Variants in SEMA5B observed in about 807,000 individuals in gnomAD.
The protein encoded by SEMA5B is semaphorin 5B, also known as semaphorin-5B.
SEMA5B carries 66 observed loss-of-function variants against 135.0 expected under a neutral mutation model. The ratio of observed to expected loss-of-function variants is 0.49; its 90% CI spans 0.40 to 0.60. The LOEUF is 0.60. SEMA5B is among the 20% of genes least tolerant of loss of function. The probability of loss-of-function intolerance (pLI) is 0.00; values close to 1 mark genes in which losing one functional copy is unlikely to be tolerated. For synonymous variants in SEMA5B, 690 were observed against 639.5 expected (o/e 1.08, Z -1.19); for missense variants, 1,501 against 1,566.3 (o/e 0.96, Z 0.70).
rs574227596 is a variant in SEMA5B, at chr3:122,986,230, A to G, written c.-38-24929T>C. ...TACTTATTAAAAAGTGTCAGAAGAA[A>G]GTGGATGCGAGACTTCTGAAAGGAC... On this transcript the variant is annotated intron_variant, in intron 1 of 22. Coordinates refer to ENST00000357599, the MANE Select transcript of SEMA5B (RefSeq NM_001031702.4). Among the ~76,000 whole-genome samples, 3 of 152,342 alleles carry G rather than the reference A, an allele frequency of 2.0e-5. No homozygotes were observed. In the South Asian group the frequency reaches 6.2e-4, roughly 32 times the overall value.
chr3:122,913,731 GAC>G (rs1937908674), intron 15 of SEMA5B, 50 bp from the exon 16 acceptor site: 1 of 1,600,852 alleles, frequency 6.2e-7, no homozygotes, highest in Middle Eastern at 1.7e-4. Context: ...CCCCTTCCCT[GAC>G]GAGAGGTCCC....
intron 1 of SEMA5B, among the ~76,000 whole-genome samples, chr3:122,988,001 G>A (rs1941753848): frequency 6.6e-6 from 1 of 152,038 alleles, no homozygotes; most frequent in Non-Finnish European, 1.5e-5. Flanking sequence ...GTTGGAAGGG[G>A]GGCCTCAGAG....
At chr3:122,987,413 AT>A (rs1238943802) in intron 1 of SEMA5B, among the ~76,000 whole-genome samples, 2 of 152,202 alleles carry the variant, frequency 1.3e-5, no homozygotes, top group Non-Finnish European at 2.9e-5. Context: ...TTATCCTGCT[AT>A]CAGCACCCCA....
At chr3:122,935,692 T>C (rs867239324) in intron 5 of SEMA5B, among the ~76,000 whole-genome samples, 1,530 of 32,212 alleles carry the variant, frequency 0.047, 5 homozygotes, top group Non-Finnish European at 0.092. Context: ...CTTTCTTTTT[T>C]TTTTTTTTTT....
Position 122,922,266 on chromosome 3 carries a change from A to G in SEMA5B, c.1454T>C (p.Leu485Pro). The G allele has an allele frequency of 5.0e-6, 8 of 1,613,990 alleles. No homozygotes were observed. Among genetic ancestry groups the G allele is most frequent in the Non-Finnish European group, 6.8e-6 (8 of 1,179,908 alleles). The change falls in exon 11 of 23, where the codon CTC becomes CCC. Residue 485 changes from leucine (L) to proline (P), a missense_variant. Transcript: ENST00000357599. ...VVDLVQAKDTLYHVLYIGTES... is the reference protein window; with the variant it reads ...VVDLVQAKDTPYHVLYIGTES... Reference sequence around the variant, plus strand: ...GGTGCCAATGTAGAGTACATGGTAGAGCGTGTCTTTAGCCTGCACCAGGTC... The same window carrying G: ...GGTGCCAATGTAGAGTACATGGTAGGGCGTGTCTTTAGCCTGCACCAGGTC...
Position 122,915,480 on chromosome 3 carries a change from C to A in SEMA5B, c.1948G>T (p.Asp650Tyr). The A allele has an allele frequency of 2.5e-6, 4 of 1,613,522 alleles. No homozygotes were observed. The highest frequency in any genetic ancestry group is 3.4e-6 in the Non-Finnish European group (4 of 1,179,754). The change falls in exon 14 of 23, where the codon GAC (aspartate) becomes TAC (tyrosine). Residue 650 changes from aspartate (D) to tyrosine (Y), a missense_variant. Coordinates refer to ENST00000357599, the MANE Select transcript of SEMA5B (RefSeq NM_001031702.4). ...ATGTGGATGGCTGGCCCCAGGCAGT[C>A]AAGGCCCCCACAGCGGGGTCGAGGG... ...DSPRPRCGGL[D>Y]CLGPAIHIAN...
At position 122,912,980 on chromosome 3, in the gene SEMA5B, G is replaced by T; in HGVS notation, c.2588C>A (p.Ser863Ter). The T allele has an allele frequency of 6.2e-7, 1 of 1,610,670 alleles. No homozygotes were observed. The highest frequency in any genetic ancestry group is 8.5e-7 in the Non-Finnish European group (1 of 1,178,686). ...CAGCTCGCAGTCCCGGGAGCAGGAC[G>T]ACCACGGGCCCCAGGCGGCCCAGCC... ...SGGWAAWGPW[S>*]SCSRDCELGF... Residue 863 changes from serine (S) to a stop codon, truncating the protein, a stop_gained, in exon 18 of 23, where the codon TCG becomes TAG. Transcript: ENST00000357599. LOFTEE classifies it high-confidence loss of function.
intron 2 of SEMA5B, 130 bp downstream of exon 2, chr3:122,961,010 C>A: frequency 2.1e-6 from 2 of 945,202 alleles, no homozygotes; most frequent in Non-Finnish European, 3.1e-6. Flanking sequence ...AAAGGAAGAG[C>A]TGCTCAAATA....
rs543773956 is a variant in SEMA5B at position 123,022,662 on chromosome 3, A to G, written c.-39+4802T>C. ...GTGCCCAGCAGCAAATTGGACAGAA[A>G]ACCATCTTCATTTTTTATTCCACTT... On this transcript the variant is annotated intron_variant, in intron 1 of 22. Coordinates refer to ENST00000357599, the MANE Select transcript of SEMA5B (RefSeq NM_001031702.4). Among the ~76,000 whole-genome samples the G allele has an allele frequency of 4.9e-4, 74 of 152,324 alleles. 1 individual carries two copies. Among genetic ancestry groups the G allele is most frequent in the African/African-American group, 1.8e-3 (73 of 41,558 alleles).
At chr3:122,974,155 G>A (rs373336903) in intron 1 of SEMA5B, among the ~76,000 whole-genome samples, 17 of 152,280 alleles carry the variant, frequency 1.1e-4, no homozygotes, top group African/African-American at 2.4e-4. Context: ...GGGAGAAGCC[G>A]GCAGGTGGTT....
chr3:122,940,288 C>T (rs966010324), intron 4 of SEMA5B, among the ~76,000 whole-genome samples: 6 of 152,204 alleles, frequency 3.9e-5, no homozygotes, highest in Admixed American at 3.9e-4. Flanking sequence ...AGAAGGCCAC[C>T]ATGCACAGAC....
At chr3:123,021,445 GT>G (rs1275438118) in intron 1 of SEMA5B, among the ~76,000 whole-genome samples, 3 of 152,214 alleles carry the variant, frequency 2.0e-5, no homozygotes, top group Non-Finnish European at 2.9e-5. Flanking sequence ...CAGATATAGA[GT>G]TACTCAAGGC....
At chr3:122,952,245 T>A (rs1166915193) in intron 2 of SEMA5B, among the ~76,000 whole-genome samples, 1 of 152,206 alleles carries the variant, frequency 6.6e-6, no homozygotes, top group Non-Finnish European at 1.5e-5. Context: ...TCCTCAGTGC[T>A]AGCCTGGGTC....
intron 9 of SEMA5B, among the ~76,000 whole-genome samples, chr3:122,925,627 C>G (rs1330458716): frequency 6.6e-6 from 1 of 151,848 alleles, no homozygotes; most frequent in African/African-American, 2.4e-5. Flanking sequence ...CCGAGATTGC[C>G]CCACTGCGCT....
intron 8 of SEMA5B, among the ~76,000 whole-genome samples, chr3:122,927,403 C>T (rs180721789): frequency 4.6e-5 from 7 of 152,224 alleles, no homozygotes; most frequent in East Asian, 3.9e-4. Context: ...ATGTTGCCCA[C>T]GCTGGTCTCC....
intron 1 of SEMA5B, among the ~76,000 whole-genome samples, chr3:122,982,413 G>C (rs182071765): frequency 6.6e-6 from 1 of 152,190 alleles, no homozygotes; most frequent in Non-Finnish European, 1.5e-5. Flanking sequence ...ATATCAGCCT[G>C]AGCCAGACAT....
chr3:122,975,014 TG>T, intron 1 of SEMA5B: 1 of 152,316 alleles, frequency 6.6e-6, no homozygotes, highest in Non-Finnish European at 1.5e-5. Context: ...GCAAGAATTC[TG>T]GGGAGGGAGC....
chr3:122,957,365 C>T (rs1013429092), intron 2 of SEMA5B, among the ~76,000 whole-genome samples: 5 of 152,238 alleles, frequency 3.3e-5, no homozygotes, highest in African/African-American at 9.6e-5. Context: ...CCCAGTCCAA[C>T]TGTGGGGCTT....
rs566373717 is a variant in SEMA5B at position 122,930,172 on chromosome 3, G to C, written c.475-1114C>G. 2.0e-5 allele frequency among the ~76,000 whole-genome samples: 3 copies of C among 152,336 alleles called. No homozygotes were observed. The East Asian group carries it at 5.8e-4, about 29-fold the overall frequency. On this transcript the variant is annotated intron_variant, in intron 5 of 22. Transcript: ENST00000357599. Reference sequence around the variant, plus strand: ...GCAGAGCCCCAGAGGCCGCAGTGTGGGAGGGGAGGCAGGGGGCCGGGAGAG... The same window carrying C: ...GCAGAGCCCCAGAGGCCGCAGTGTGCGAGGGGAGGCAGGGGGCCGGGAGAG...
Sources: gnomAD v4.1 joint callset for allele counts (sites outside exome capture counted in the v4.1 genomes callset) on GRCh38, gnomAD v4.1.1 for gene constraint, MANE v1.5 for transcripts, NCBI Gene and HGNC (gene_info 2026-07-23, HGNC 2026-07-21) for gene names.